The following ARIH2 variants were observed in gnomAD, a reference collection of about 807,000 sequenced individuals.
ARIH2 encodes the protein E3 ubiquitin-protein ligase ARIH2.
ARIH2 carries 12 observed loss-of-function variants against 79.8 expected under a neutral mutation model. The ratio of observed to expected loss-of-function variants is 0.15; its 90% CI spans 0.10 to 0.24. The LOEUF (loss-of-function observed/expected upper bound fraction) is 0.24, where lower values mean the gene tolerates loss of function less well. Ranked by LOEUF, ARIH2 falls within the 10% of genes least tolerant of loss-of-function variation. The probability of loss-of-function intolerance (pLI) is 1.00; values close to 1 mark genes in which losing one functional copy is unlikely to be tolerated. For synonymous variants in ARIH2, 224 were observed against 213.9 expected (o/e 1.05, Z -0.41); for missense variants, 301 against 618.3 (o/e 0.49, Z 5.44).
At position 48,964,465 on chromosome 3, in the gene ARIH2, G is replaced by A. The variant is rs537412631; in HGVS notation, c.324-454G>A. ...CAAGTAGCTGGGACTATAGGCACGT[G>A]CCACCATGCCCAGCTAATTTTTGTA... On this transcript the variant is annotated intron_variant, in intron 4 of 15. Coordinates refer to ENST00000356401, the MANE Select transcript of ARIH2 (RefSeq NM_006321.4). 4.6e-5 allele frequency among the ~76,000 whole-genome samples: 7 copies of A among 151,690 alleles called. No individual in the cohort carries two copies. In the East Asian group the frequency reaches 7.8e-4, roughly 17 times the overall value.
At chr3:48,978,421 ATGTGTGTGTG>A (rs1188251261) in intron 11 of ARIH2, among the ~76,000 whole-genome samples, 71 of 55,770 alleles carry the variant, frequency 1.3e-3, no homozygotes, top group South Asian at 7.9e-3. Context: ...TAATTTGTGT[ATGTGTGTGTG>A]TGTGTGTGTG....
At chr3:48,948,701 G>A (rs1413017229) in intron 3 of ARIH2, among the ~76,000 whole-genome samples, 1 of 152,090 alleles carries the variant, frequency 6.6e-6, no homozygotes, top group Admixed American at 6.5e-5. Flanking sequence ...AAAAATTCCC[G>A]TGTTCATTTA....
At chr3:48,919,356 G>T in intron 1 of ARIH2, 1 of 604,096 alleles carries the variant, frequency 1.7e-6, no homozygotes. Flanking sequence ...TCGCAGCGCT[G>T]CCCGCGCGGT....
rs2092004627 is a variant in ARIH2, at chr3:48,969,128, C to G, written c.660+473C>G. Among the ~76,000 whole-genome samples the G allele has an allele frequency of 2.6e-5, 4 of 152,012 alleles. No individual in the cohort carries two copies. The South Asian group carries it at 8.3e-4, about 32-fold the overall frequency. On this transcript the variant is annotated intron_variant, in intron 7 of 15. Coordinates refer to ENST00000356401, the MANE Select transcript of ARIH2 (RefSeq NM_006321.4). ...GACCTCATGATCTGCCCCCCTCGGC[C>G]TCCCAAAGTGCTGGGATTACAGGCG...
At chr3:48,953,964 GA>G (rs2090292382) in intron 3 of ARIH2, among the ~76,000 whole-genome samples, 1 of 151,150 alleles carries the variant, frequency 6.6e-6, no homozygotes, top group Non-Finnish European at 1.5e-5. Flanking sequence ...TGGAGTTTGA[GA>G]CCAGCCTGGC....
rs771716485 is a variant in ARIH2 at position 48,983,266 on chromosome 3, C to A, written c.1478C>A (p.Thr493Asn). The A allele has an allele frequency of 6.2e-7, 1 of 1,614,108 alleles. No individual in the cohort carries two copies. Among genetic ancestry groups the A allele is most frequent in the African/African-American group, 1.3e-5 (1 of 75,048 alleles). Residue 493 changes from threonine to asparagine, a missense_variant, in exon 16 of 16, where the codon ACC becomes AAC. Thr to Asn is a moderately conservative substitution (Grantham distance 65). Coordinates refer to ENST00000356401, the MANE Select transcript of ARIH2 (RefSeq NM_006321.4). ...ACCCTGCTGAAAGATTTCCATGACACCTAAGTTGGGATGTGGATGTGCCGG... is the reference window on the plus strand; with the variant it reads ...ACCCTGCTGAAAGATTTCCATGACAACTAAGTTGGGATGTGGATGTGCCGG... ...RRTLLKDFHD[T>N] is the part of the protein sequence containing the mutation.
intron 8 of ARIH2, among the ~76,000 whole-genome samples, chr3:48,972,267 T>G (rs1375086671): frequency 1.1e-4 from 16 of 152,222 alleles, no homozygotes; most frequent in Admixed American, 1.0e-3. Flanking sequence ...ACCCCTGGGA[T>G]GAAGTGATCC....
At chr3:48,965,369 AG>A (rs1210675079) in intron 5 of ARIH2, among the ~76,000 whole-genome samples, 1 of 151,978 alleles carries the variant, frequency 6.6e-6, no homozygotes, top group African/African-American at 2.4e-5. Flanking sequence ...CAAAAAAAAA[AG>A]GAGCTCTCTT....
At chr3:48,963,529 T>C (rs539618063) in intron 4 of ARIH2, among the ~76,000 whole-genome samples, 1 of 152,346 alleles carries the variant, frequency 6.6e-6, no homozygotes, top group Admixed American at 6.5e-5. Flanking sequence ...GTGGCACTTT[T>C]ATTGCCACTT....
intron 3 of ARIH2, among the ~76,000 whole-genome samples, chr3:48,954,417 A>G (rs1386912287): frequency 2.0e-5 from 3 of 151,950 alleles, no homozygotes; most frequent in Admixed American, 2.0e-4. Flanking sequence ...AGTCGGAGCA[A>G]CAGAGTGAGA....
At chr3:48,929,166 T>TATG (rs1272358727) in intron 3 of ARIH2, among the ~76,000 whole-genome samples, 1 of 152,154 alleles carries the variant, frequency 6.6e-6, no homozygotes, top group Non-Finnish European at 1.5e-5. Flanking sequence ...TATTAGGAAT[T>TATG]ATGTAGTGTG....
intron 3 of ARIH2, among the ~76,000 whole-genome samples, chr3:48,944,768 T>C (rs1157582876): frequency 6.6e-6 from 1 of 152,202 alleles, no homozygotes; most frequent in African/African-American, 2.4e-5. Context: ...GTTTACTTAC[T>C]CCTTTGTCTC....
Position 48,984,964 on chromosome 3 carries a change from C to G in ARIH2, c.*1694C>G, listed in dbSNP as rs2092866765. ...GAGACTGTGGGGTGGATTGGGAGAA[C>G]AGATTAGGAGTATAGCAAATGAACC... On this transcript the variant is annotated 3_prime_UTR_variant, in exon 16 of 16. Transcript: ENST00000356401. 1 of 152,116 alleles carries G rather than the reference C, an allele frequency of 6.6e-6. No homozygotes were observed. The highest frequency in any genetic ancestry group is 1.5e-5 in the Non-Finnish European group (1 of 68,044). 9.4% of individuals were successfully genotyped at this position (152,116 alleles called of 1,614,324 possible). A position where few individuals can be genotyped will look rare whatever the true frequency, so the allele number is the denominator to read the frequency against.
At chr3:48,949,094 A>G (rs1298045875) in intron 3 of ARIH2, 1 of 451,016 alleles carries the variant, frequency 2.2e-6, no homozygotes, top group African/African-American at 2.1e-5. Context: ...GCTGGGTCAC[A>G]TGGTAAGTGT....
intron 3 of ARIH2, among the ~76,000 whole-genome samples, chr3:48,940,810 T>A (rs13075987): frequency 0.42 from 25,966 of 61,852 alleles, 3,491 homozygotes; most frequent in East Asian, 0.71. Context: ...AAAAAAAAAA[T>A]ATATATATAT....
At chr3:48,980,892 A>G (rs1025457328) in intron 13 of ARIH2, among the ~76,000 whole-genome samples, 2 of 150,986 alleles carry the variant, frequency 1.3e-5, no homozygotes, top group Non-Finnish European at 2.9e-5. Context: ...ATGGTGGTGC[A>G]TGCCTGTAGT....
intron 11 of ARIH2, among the ~76,000 whole-genome samples, chr3:48,976,220 T>C (rs1429419231): frequency 6.6e-6 from 1 of 151,394 alleles, no homozygotes; most frequent in Non-Finnish European, 1.5e-5. Flanking sequence ...ACTTTTTTTT[T>C]TTTTTTTCCA....
chr3:48,954,954 T>C (rs1304214090), intron 3 of ARIH2, among the ~76,000 whole-genome samples: 1 of 152,144 alleles, frequency 6.6e-6, no homozygotes, highest in Non-Finnish European at 1.5e-5. Context: ...TCCCCACACT[T>C]TGGGAGGCCG....
chr3:48,928,089 G>T, intron 3 of ARIH2: 1 of 421,012 alleles, frequency 2.4e-6, no homozygotes, highest in Non-Finnish European at 4.3e-6. Context: ...TGTAGTAGCA[G>T]AATTGCACAA....
Sources: allele counts gnomAD v4.1 joint callset (sites outside exome capture counted in the v4.1 genomes callset), GRCh38; gene constraint gnomAD v4.1.1; transcripts MANE v1.5; gene names NCBI Gene and HGNC (gene_info 2026-07-23, HGNC 2026-07-21).